Variants in TVP23B observed in about 807,000 individuals in gnomAD.
The protein encoded by TVP23B is trans-golgi network vesicle protein 23 homolog B.
In TVP23B, 10 loss-of-function variants were observed where a neutral mutation model predicts 30.6. The observed-to-expected ratio is 0.33, with a 90% confidence interval of 0.20 to 0.55. TVP23B has a LOEUF of 0.55. TVP23B is among the 20% of genes least tolerant of loss of function. The pLI is 0.91. For synonymous variants in TVP23B, 67 were observed against 83.1 expected (o/e 0.81, Z 1.06); for missense variants, 153 against 243.2 (o/e 0.63, Z 2.47).
intron 1 of TVP23B, among the ~76,000 whole-genome samples, chr17:18,788,193 T>C (rs1414386445): frequency 6.6e-6 from 1 of 151,716 alleles, no homozygotes; most frequent in Non-Finnish European, 1.5e-5. Flanking sequence ...TAGCCAGGCA[T>C]GGTGGCACGC....
At chr17:18,782,741 A>G (rs1386266460) in intron 1 of TVP23B, among the ~76,000 whole-genome samples, 1 of 151,928 alleles carries the variant, frequency 6.6e-6, no homozygotes, top group Non-Finnish European at 1.5e-5. Flanking sequence ...TTGCCATGGC[A>G]TTTGTAAACT....
At chr17:18,790,296 C>G (rs977319749) in intron 2 of TVP23B, among the ~76,000 whole-genome samples, 17 of 151,762 alleles carry the variant, frequency 1.1e-4, no homozygotes, top group Non-Finnish European at 2.2e-4. Flanking sequence ...AACCCCATCT[C>G]TACTAAAAAT....
intron 3 of TVP23B, chr17:18,797,299 A>G: frequency 2.9e-6 from 1 of 342,124 alleles, no homozygotes; most frequent in Non-Finnish European, 5.6e-6. Context: ...AAATTAGGGA[A>G]CTGGAGAAAG....
At chr17:18,792,858 A>G (rs2036017304) in intron 3 of TVP23B, among the ~76,000 whole-genome samples, 1 of 152,200 alleles carries the variant, frequency 6.6e-6, no homozygotes, top group East Asian at 1.9e-4. Context: ...GGGTTCTGAA[A>G]CAGTTAAAAT....
At chr17:18,784,100 G>C (rs1410251430) in intron 1 of TVP23B, among the ~76,000 whole-genome samples, 1 of 151,954 alleles carries the variant, frequency 6.6e-6, no homozygotes, top group African/African-American at 2.4e-5. Context: ...AGCCGAGATC[G>C]CGCCACTGCA....
chr17:18,805,144 A>AGT (rs1277989476), intron 6 of TVP23B, among the ~76,000 whole-genome samples: 27 of 136,470 alleles, frequency 2.0e-4, no homozygotes, highest in African/African-American at 7.0e-4. Flanking sequence ...GCTGGAGTGC[A>AGT]GTGGCGCGAT....
chr17:18,800,333 A>G lies in TVP23B; in HGVS notation c.462+1390A>G, dbSNP rs186225359. Among the ~76,000 whole-genome samples, 877 of 152,256 alleles carry G rather than the reference A, an allele frequency of 5.8e-3. 5 individuals are homozygous for G. Among genetic ancestry groups the G allele is most frequent in the Middle Eastern group, 0.024 (7 of 294 alleles). ...TTTATAATAGTTATCTTTTGAAAAC[A>G]TATTTCTTACTGGTTGTTTAGTCTT... On this transcript the variant is annotated intron_variant, in intron 5 of 6. Coordinates refer to ENST00000307767, the MANE Select transcript of TVP23B (RefSeq NM_016078.6).
chr17:18,791,701 G>A (rs1173731153), intron 3 of TVP23B, among the ~76,000 whole-genome samples: 2 of 151,926 alleles, frequency 1.3e-5, no homozygotes, highest in Non-Finnish European at 2.9e-5. Context: ...TGTCAGTTGT[G>A]CCAAGGTTGA....
intron 6 of TVP23B, 70 bp from the exon 7 acceptor site, chr17:18,805,471 C>T (rs2036235158): frequency 6.3e-7 from 1 of 1,594,410 alleles, no homozygotes; most frequent in Admixed American, 1.8e-5. Context: ...TAGGCCTAGT[C>T]CCCAAGTCCA....
chr17:18,788,303 C>T (rs2035939120), intron 1 of TVP23B, among the ~76,000 whole-genome samples: 1 of 123,862 alleles, frequency 8.1e-6, no homozygotes. Context: ...TGCACTCCAG[C>T]CTGAGCGACA....
chr17:18,784,145 A>AAACAAAC (rs1567630613), intron 1 of TVP23B, among the ~76,000 whole-genome samples: 1 of 150,998 alleles, frequency 6.6e-6, no homozygotes, highest in African/African-American at 2.4e-5. Context: ...ACTCCGTCTC[A>AAACAAAC]AAACAAACAA....
chr17:18,784,603 A>G (rs2151842522), intron 1 of TVP23B, among the ~76,000 whole-genome samples: 1 of 152,312 alleles, frequency 6.6e-6, no homozygotes, highest in East Asian at 1.9e-4. Flanking sequence ...GTGAGCCAAG[A>G]TCACGCCATT....
Position 18,781,466 on chromosome 17 carries a change from G to C in TVP23B, c.12+161G>C, listed in dbSNP as rs1232820435. 5.2e-6 allele frequency: 7 copies of C among 1,344,402 alleles called. No individual in the cohort carries two copies. In the East Asian group the frequency reaches 1.5e-4, roughly 29 times the overall value. The allele number at this position is 1,344,402 out of a possible 1,614,324, so 83.3% of individuals were successfully genotyped here. On this transcript the variant is annotated intron_variant, in intron 1 of 6. Transcript: ENST00000307767. Reference sequence around the variant, plus strand: ...TGTGGGTAGTTGTCTGAGGAGGGCTGCTGGGGGTTCTGAGGCCGCTGGGGG... The same window carrying C: ...TGTGGGTAGTTGTCTGAGGAGGGCTCCTGGGGGTTCTGAGGCCGCTGGGGG...
chr17:18,797,767 A>T, intron 4 of TVP23B, 99 bp downstream of exon 4: 1 of 1,048,664 alleles, frequency 9.5e-7, no homozygotes, highest in Non-Finnish European at 1.4e-6. Context: ...TAAAAACACT[A>T]TACCAAATCA....
intron 1 of TVP23B, among the ~76,000 whole-genome samples, chr17:18,784,566 G>T (rs564049663): frequency 6.6e-6 from 1 of 152,148 alleles, no homozygotes; most frequent in African/African-American, 2.4e-5. Context: ...CAGGGGAGTC[G>T]CTTGAACCCG....
Position 18,806,697 on chromosome 17 carries a change from TCTA to T in TVP23B, c.*1134_*1136del, listed in dbSNP as rs1400767587. On this transcript the variant is annotated 3_prime_UTR_variant, in exon 7 of 7. Transcript: ENST00000307767. ...GCAAAACTTTATATTTGTATAAAAT[TCTA>T]CTATTTACAAGGCATTTGACATGTG... The T allele has an allele frequency of 1.5e-5, 3 of 206,084 alleles. No individual in the cohort carries two copies. The highest frequency in any genetic ancestry group is 1.7e-4 in the South Asian group (1 of 5,730). The allele number at this position is 206,084 out of a possible 1,614,324, so 12.8% of individuals were successfully genotyped here.
Position 18,795,360 on chromosome 17 carries a change from G to A in TVP23B, c.241-2219G>A, listed in dbSNP as rs572240441. ...TCTTCTTCTTTGAGTGTTCCCTTTC[G>A]TGGGGCCTGGAATCACTATTTTTTT... On this transcript the variant is annotated intron_variant, in intron 3 of 6. Transcript: ENST00000307767. Among the ~76,000 whole-genome samples, 11 of 151,036 alleles carry A rather than the reference G, an allele frequency of 7.3e-5. No homozygotes were observed. In the East Asian group the frequency reaches 1.9e-3, roughly 27 times the overall value.
intron 5 of TVP23B, among the ~76,000 whole-genome samples, chr17:18,799,401 GTT>G (rs2036123648): frequency 6.6e-6 from 1 of 151,960 alleles, no homozygotes; most frequent in African/African-American, 2.4e-5. Context: ...CTCTCCACAT[GTT>G]TTTCCCTGTG....
chr17:18,791,230 A>G (rs1470466379), intron 3 of TVP23B, among the ~76,000 whole-genome samples, 190 bp downstream of exon 3: 2 of 128,712 alleles, frequency 1.6e-5, no homozygotes, highest in African/African-American at 3.0e-5. Flanking sequence ...TCCCTTTGAC[A>G]ATACAAGATG....
Sources: gnomAD v4.1 joint callset for allele counts (sites outside exome capture counted in the v4.1 genomes callset) on GRCh38, gnomAD v4.1.1 for gene constraint, MANE v1.5 for transcripts, NCBI Gene and HGNC (gene_info 2026-07-23, HGNC 2026-07-21) for gene names.